The following COL23A1 variants were observed in gnomAD, a reference collection of about 807,000 sequenced individuals.
The protein encoded by COL23A1 is collagen alpha-1(XXIII) chain.
Under a neutral mutation model 99.3 loss-of-function variants are expected in COL23A1, and 97 were observed. The ratio of observed to expected loss-of-function variants is 0.98; its 90% CI spans 0.83 to 1.16. COL23A1 has a LOEUF of 1.16. Ranked by LOEUF, COL23A1 falls within the 50% of genes most tolerant of loss-of-function variation. The pLI, the probability that COL23A1 is intolerant of heterozygous loss-of-function variation, is 0.00. For synonymous variants in COL23A1, 320 were observed against 308.2 expected, an observed-to-expected ratio of 1.04 and a Z score of -0.40; for missense variants, 762 against 757.4, an observed-to-expected ratio of 1.01 and a Z score of -0.07.
intron 5 of COL23A1, among the ~76,000 whole-genome samples, chr5:178,286,063 C>G (rs1460617272): frequency 6.6e-6 from 1 of 152,204 alleles, no homozygotes; most frequent in African/African-American, 2.4e-5. Context: ...CTGAATCCAG[C>G]CCACCCAGGG....
intron 5 of COL23A1, among the ~76,000 whole-genome samples, chr5:178,276,273 A>C (rs1362754418): frequency 4.1e-5 from 4 of 98,214 alleles, no homozygotes; most frequent in Non-Finnish European, 2.8e-5. Flanking sequence ...TGAACCAAAC[A>C]AATAAACTGG....
chr5:178,577,080 T>A (rs184889), intron 1 of COL23A1, among the ~76,000 whole-genome samples: 22,082 of 152,054 alleles, frequency 0.15, 2,424 homozygotes, highest in East Asian at 0.39. Context: ...TGTCGCCGTC[T>A]GCGCCTCCGC....
At chr5:178,543,981 G>A (rs1455475783) in intron 2 of COL23A1, among the ~76,000 whole-genome samples, 5 of 151,888 alleles carry the variant, frequency 3.3e-5, no homozygotes, top group Non-Finnish European at 2.9e-5. Context: ...AAGCTCCCTG[G>A]GGTCCCTTTT....
rs560265856 is a variant in COL23A1, at chr5:178,554,437, C to T, written c.361+6245G>A. On this transcript the variant is annotated intron_variant, in intron 2 of 28. Transcript: ENST00000390654. ...GAGGTGATCTGCCCACTTCGGCCTCCCAAAGTGCTGGAATTACAGATGTGT... is the reference window on the plus strand; with the variant it reads ...GAGGTGATCTGCCCACTTCGGCCTCTCAAAGTGCTGGAATTACAGATGTGT... Among the ~76,000 whole-genome samples, 22 of 152,302 alleles carry T rather than the reference C, an allele frequency of 1.4e-4. No individual in the cohort carries two copies. The South Asian group carries it at 4.6e-3, about 32-fold the overall frequency.
intron 2 of COL23A1, among the ~76,000 whole-genome samples, chr5:178,481,110 T>C (rs1467022890): frequency 7.9e-6 from 1 of 126,306 alleles, no homozygotes; most frequent in African/African-American, 3.0e-5. Flanking sequence ...ATCGCACCAC[T>C]GCACTCCAGA....
intron 8 of COL23A1, among the ~76,000 whole-genome samples, chr5:178,266,971 C>T (rs1755937987): frequency 6.6e-6 from 1 of 152,264 alleles, no homozygotes; most frequent in Non-Finnish European, 1.5e-5. Flanking sequence ...CTCAGTTCTG[C>T]TGACCCCAGA....
chr5:178,416,493 G>T (rs999630778), intron 2 of COL23A1, among the ~76,000 whole-genome samples: 1 of 152,220 alleles, frequency 6.6e-6, no homozygotes, highest in African/African-American at 2.4e-5. Context: ...GTGGGGCCCA[G>T]GAGGAGATGT....
chr5:178,561,342 C>T (rs1180268776), intron 1 of COL23A1, among the ~76,000 whole-genome samples: 1 of 152,162 alleles, frequency 6.6e-6, no homozygotes, highest in East Asian at 1.9e-4. Flanking sequence ...AAATTTGGTT[C>T]GGTAAAATTT....
chr5:178,422,161 A>G (rs886282412), intron 2 of COL23A1, among the ~76,000 whole-genome samples: 5 of 152,186 alleles, frequency 3.3e-5, no homozygotes, highest in African/African-American at 1.2e-4. Context: ...TGAAGAGCGC[A>G]CAGTGTCTGG....
rs891651823 is a variant in COL23A1, at chr5:178,313,577, C to T, written c.362-6658G>A. On this transcript the variant is annotated intron_variant, in intron 2 of 28. Transcript: ENST00000390654. This position sits in a 1 kb window ranked among gnomAD's most constrained non-coding sequence, Gnocchi z 4.2. ...AAATGGCGGAACTGGAACTGGAACC[C>T]GGGTCTGTGTGACTTCGGAGTCTGT... Among the ~76,000 whole-genome samples the T allele has an allele frequency of 2.6e-5, 4 of 152,244 alleles. No homozygotes were observed. The highest frequency in any genetic ancestry group is 9.6e-5 in the African/African-American group (4 of 41,552).
At position 178,529,127 on chromosome 5, in the gene COL23A1, T is replaced by C. The variant is rs145427305; in HGVS notation, c.361+31555A>G. On this transcript the variant is annotated intron_variant, in intron 2 of 28. Coordinates refer to ENST00000390654, the MANE Select transcript of COL23A1 (RefSeq NM_173465.4). ...TCTAAGATGTCTGGAATGTCTGATA[T>C]GGCCTTGTCGTCCAAGGACTCTCTC... 5.2e-4 allele frequency among the ~76,000 whole-genome samples: 79 copies of C among 152,374 alleles called. 1 individual carries two copies. The highest frequency in any genetic ancestry group is 4.8e-3 in the South Asian group (23 of 4,830).
At chr5:178,269,961 G>A (rs1360027876) in intron 6 of COL23A1, among the ~76,000 whole-genome samples, 1 of 152,218 alleles carries the variant, frequency 6.6e-6, no homozygotes, top group Non-Finnish European at 1.5e-5. Context: ...TGCCCACCAG[G>A]GCAGTCTTGA....
intron 2 of COL23A1, among the ~76,000 whole-genome samples, chr5:178,334,525 G>A (rs188300145): frequency 3.0e-4 from 45 of 152,330 alleles, no homozygotes; most frequent in African/African-American, 9.1e-4. Context: ...ACCATAACTC[G>A]GTGATTACTG....
intron 2 of COL23A1, among the ~76,000 whole-genome samples, chr5:178,556,656 TAAAA>T (rs1762290674): frequency 1.4e-5 from 2 of 144,454 alleles, no homozygotes; most frequent in Admixed American, 7.1e-5. Flanking sequence ...TAAAATAAAA[TAAAA>T]TAAAATAAAA....
At chr5:178,429,022 T>G (rs1299724360) in intron 2 of COL23A1, among the ~76,000 whole-genome samples, 1 of 152,080 alleles carries the variant, frequency 6.6e-6, no homozygotes, top group Non-Finnish European at 1.5e-5. Context: ...CCTTCTTTTC[T>G]GCTCGTGATT....
chr5:178,383,733 G>A (rs1052834960), intron 2 of COL23A1, among the ~76,000 whole-genome samples: 1 of 152,188 alleles, frequency 6.6e-6, no homozygotes, highest in Admixed American at 6.5e-5. Flanking sequence ...TTAGCCGGGA[G>A]CCCCCTGGGG....
At chr5:178,432,624 G>C (rs183408768) in intron 2 of COL23A1, among the ~76,000 whole-genome samples, 36 of 152,294 alleles carry the variant, frequency 2.4e-4, no homozygotes, top group African/African-American at 8.4e-4. Context: ...GACTGAGCGA[G>C]GCCTCAGTCA....
chr5:178,521,886 G>A (rs1472769656), intron 2 of COL23A1, among the ~76,000 whole-genome samples: 2 of 152,230 alleles, frequency 1.3e-5, no homozygotes, highest in Non-Finnish European at 2.9e-5. Flanking sequence ...TGGTTACACA[G>A]TTTCTGTTTG....
At chr5:178,506,747 A>G (rs1425034990) in intron 2 of COL23A1, among the ~76,000 whole-genome samples, 4 of 152,232 alleles carry the variant, frequency 2.6e-5, no homozygotes, top group African/African-American at 9.6e-5. Flanking sequence ...TTATGGTCAC[A>G]TATGTAAATT....
Sources: allele counts gnomAD v4.1 joint callset (sites outside exome capture counted in the v4.1 genomes callset), GRCh38; gene constraint gnomAD v4.1.1; non-coding constraint Gnocchi (gnomAD v3.1); transcripts MANE v1.5; gene names NCBI Gene and HGNC (gene_info 2026-07-23, HGNC 2026-07-21).